The following ADAM18 variants were observed in gnomAD, a reference collection of about 807,000 sequenced individuals.
The protein encoded by ADAM18 is disintegrin and metalloproteinase domain-containing protein 18.
ADAM18 carries 117 observed loss-of-function variants against 94.4 expected under a neutral mutation model. The observed-to-expected ratio is 1.24, with a 90% CI of 1.07 to 1.45. The LOEUF (loss-of-function observed/expected upper bound fraction) is 1.45, where lower values mean the gene tolerates loss of function less well. Among genes scored for constraint, ADAM18 ranks in the 40% most tolerant of loss-of-function variants. The pLI, the probability that ADAM18 is intolerant of heterozygous loss-of-function variation, is 0.00. For missense variants in ADAM18, 936 were observed against 880.0 expected (o/e 1.06, Z -0.81); for synonymous variants, 327 against 291.6 (o/e 1.12, Z -1.24).
chr8:39,638,513 A>G lies in ADAM18; in HGVS notation c.876A>G (p.Val292=), dbSNP rs1390059973. The G allele has an allele frequency of 6.4e-7, 1 of 1,573,112 alleles. No homozygotes were observed. The highest frequency in any genetic ancestry group is 1.2e-5 in the South Asian group (1 of 82,422). Residue 292 remains valine (V), a synonymous_variant, in exon 10 of 20, where the codon GTA becomes GTG. Transcript: ENST00000265707. ...KYVGATFPGT[V]CNKSYDAGIA... ...TGGGAGCAACATTTCCTGGCACTGT[A>G]TGCAATAAAAGCTATGATGCAGGTA...
At chr8:39,668,834 A>G (rs1821067018) in intron 14 of ADAM18, among the ~76,000 whole-genome samples, 2 of 152,156 alleles carry the variant, frequency 1.3e-5, no homozygotes, top group South Asian at 4.1e-4. Flanking sequence ...ATTATTTTCT[A>G]GTTGAGTAAA....
intron 3 of ADAM18, 139 bp from the exon 4 acceptor site, chr8:39,608,903 C>T (rs748599756): frequency 8.4e-6 from 5 of 597,574 alleles, no homozygotes; most frequent in Non-Finnish European, 1.5e-5. Context: ...ACTGTTATGC[C>T]TCACTAAAAT....
At position 39,668,126 on chromosome 8, in the gene ADAM18, G is replaced by A; in HGVS notation, c.1455G>A (p.Leu485=). 6.2e-7 allele frequency: 1 copy of A among 1,614,056 alleles called. No individual in the cohort carries two copies. Residue 485 remains leucine (L), a synonymous_variant, in exon 14 of 20, where the codon TTG becomes TTA. Coordinates refer to ENST00000265707, the MANE Select transcript of ADAM18 (RefSeq NM_014237.3). ...TYALNGRLCK[L]GTAYCYNGQC... ...CATTGAATGGCCGTTTGTGCAAGTT[G>A]GGAACTGCCTATTGCTATAACGGAC...
rs189416966 is a variant in ADAM18, at chr8:39,725,178, G to A, written c.2177+1271G>A. Among the ~76,000 whole-genome samples the A allele has an allele frequency of 2.7e-3, 412 of 151,778 alleles. 1 individual carries two copies. The highest frequency in any genetic ancestry group is 5.1e-3 in the Non-Finnish European group (343 of 67,856). Reference sequence around the variant, plus strand: ...TTCTATCAGTTTTATACCACTTCACGGAAGTATAATTGATATACAAATACG... The same window carrying A: ...TTCTATCAGTTTTATACCACTTCACAGAAGTATAATTGATATACAAATACG... On this transcript the variant is annotated intron_variant, in intron 19 of 19. Transcript: ENST00000265707.
chr8:39,647,902 T>C (rs1820428957), intron 11 of ADAM18, among the ~76,000 whole-genome samples: 1 of 152,156 alleles, frequency 6.6e-6, no homozygotes, highest in Admixed American at 6.5e-5. Flanking sequence ...AGCAAAGCAA[T>C]TGTTTAAGGT....
chr8:39,647,830 T>G (rs1820427080), intron 11 of ADAM18, among the ~76,000 whole-genome samples: 1 of 152,182 alleles, frequency 6.6e-6, no homozygotes, highest in Non-Finnish European at 1.5e-5. Context: ...ACAGCACATG[T>G]TTTTGTGAGC....
intron 6 of ADAM18, 58 bp downstream of exon 6, chr8:39,610,764 T>A: frequency 1.4e-5 from 21 of 1,535,200 alleles, no homozygotes; most frequent in Non-Finnish European, 1.8e-5. Flanking sequence ...GTAGTTTTCT[T>A]GTAAATCATG....
chr8:39,585,497 G>T (rs2129457847), intron 2 of ADAM18, 145 bp downstream of exon 2: 2 of 610,018 alleles, frequency 3.3e-6, no homozygotes, highest in South Asian at 4.6e-5. Context: ...ACCGTGTTTT[G>T]ATCCTCTTGT....
intron 10 of ADAM18, among the ~76,000 whole-genome samples, chr8:39,644,215 T>A (rs1820315751): frequency 6.7e-6 from 1 of 150,146 alleles, no homozygotes; most frequent in Admixed American, 6.9e-5. Flanking sequence ...TTATCAAAGA[T>A]AAATAATATG....
chr8:39,643,426 C>G (rs1292060796), intron 10 of ADAM18, among the ~76,000 whole-genome samples: 1 of 152,058 alleles, frequency 6.6e-6, no homozygotes, highest in Non-Finnish European at 1.5e-5. Flanking sequence ...CTTTTCCTCA[C>G]TATGTAATGT....
Position 39,637,315 on chromosome 8 carries a change from G to A in ADAM18, c.640G>A (p.Val214Ile), listed in dbSNP as rs781060221. 7.5e-6 allele frequency: 12 copies of A among 1,605,502 alleles called. No homozygotes were observed. Among genetic ancestry groups the A allele is most frequent in the Admixed American group, 1.7e-5 (1 of 59,342 alleles). The change falls in exon 8 of 20, where the codon GTT (valine) becomes ATT (isoleucine). Residue 214 changes from valine to isoleucine, a missense_variant. Transcript: ENST00000265707. ...GGCTGTAACACAAAAAATTGTCCAG[G>A]TTATTGGGCTTGTCAACACTGTAAG... Reference protein sequence around the residue: ...MMAVTQKIVQVIGLVNTMFTQ... With the variant: ...MMAVTQKIVQIIGLVNTMFTQ...
At chr8:39,625,751 G>A (rs1819750805) in intron 6 of ADAM18, among the ~76,000 whole-genome samples, 1 of 151,944 alleles carries the variant, frequency 6.6e-6, no homozygotes, top group Non-Finnish European at 1.5e-5. Context: ...ATAAAGAGAT[G>A]CTGGATTTTA....
At position 39,652,117 on chromosome 8, in the gene ADAM18, A is replaced by G. The variant is rs1820556713; in HGVS notation, c.1230+3590A>G. On this transcript the variant is annotated intron_variant, in intron 12 of 19. Transcript: ENST00000265707. The stretch of plus-strand genomic sequence containing the variant: ...AATTATTAGAAGAAAATATAGGAAA[A>G]AGCTCCACAACATTGGATCTGGCAA... Among the ~76,000 whole-genome samples, 4 of 152,256 alleles carry G rather than the reference A, an allele frequency of 2.6e-5. No homozygotes were observed. The South Asian group carries it at 8.3e-4, about 32-fold the overall frequency.
At chr8:39,685,234 A>C (rs935113002) in intron 16 of ADAM18, 1 of 152,284 alleles carries the variant, frequency 6.6e-6, no homozygotes, top group Admixed American at 6.5e-5. Flanking sequence ...CAGCTTGTTC[A>C]TTCTGGGCCC....
At chr8:39,719,790 G>A (rs966949696) in intron 18 of ADAM18, among the ~76,000 whole-genome samples, 17 of 151,282 alleles carry the variant, frequency 1.1e-4, no homozygotes, top group African/African-American at 4.1e-4. Flanking sequence ...TGTGAGGGTA[G>A]GAACCATATA....
intron 2 of ADAM18, among the ~76,000 whole-genome samples, chr8:39,598,366 T>C (rs1240859277): frequency 6.6e-6 from 1 of 152,146 alleles, no homozygotes; most frequent in East Asian, 1.9e-4. Flanking sequence ...AACCTATGTA[T>C]GATGTTAGCC....
At position 39,668,215 on chromosome 8, in the gene ADAM18, T is replaced by G; in HGVS notation, c.1525+19T>G. 6.2e-7 allele frequency: 1 copy of G among 1,611,364 alleles called. No homozygotes were observed. Among genetic ancestry groups the G allele is most frequent in the South Asian group, 1.1e-5 (1 of 91,022 alleles). On this transcript the variant is annotated intron_variant, in intron 14 of 19. Transcript: ENST00000265707. Reference sequence around the variant, plus strand: ...GGAAAAGGTATTGCTCTTTCTTTCGTATTTATTTTACCTTACATTTGCATC... The same window carrying G: ...GGAAAAGGTATTGCTCTTTCTTTCGGATTTATTTTACCTTACATTTGCATC...
At chr8:39,724,038 T>G in intron 19 of ADAM18, 131 bp downstream of exon 19, 1 of 663,322 alleles carries the variant, frequency 1.5e-6, no homozygotes, top group Non-Finnish European at 2.2e-6. Flanking sequence ...AGTGGTATCT[T>G]TATAATTTTG....
intron 2 of ADAM18, among the ~76,000 whole-genome samples, chr8:39,589,862 A>G (rs1022356600): frequency 6.6e-6 from 1 of 151,944 alleles, no homozygotes; most frequent in Non-Finnish European, 1.5e-5. Flanking sequence ...CATCAGAGAA[A>G]TGCAAATCAA....
Sources: allele counts gnomAD v4.1 joint callset (sites outside exome capture counted in the v4.1 genomes callset), GRCh38; gene constraint gnomAD v4.1.1; transcripts MANE v1.5; gene names NCBI Gene and HGNC (gene_info 2026-07-23, HGNC 2026-07-21).